The following RASGRP3 variants were observed in gnomAD, a reference collection of about 807,000 sequenced individuals.
RASGRP3 encodes the protein RAS guanyl releasing protein 3.
Under a neutral mutation model 82.7 loss-of-function variants are expected in RASGRP3, and 54 were observed. The ratio of observed to expected loss-of-function variants is 0.65; its 90% CI spans 0.52 to 0.82. The LOEUF (loss-of-function observed/expected upper bound fraction) is 0.82, where lower values mean the gene tolerates loss of function less well. Among genes scored for constraint, RASGRP3 ranks in the 40% least tolerant of loss-of-function variants. The pLI is 0.00. For missense variants in RASGRP3, 861 were observed against 828.9 expected, an observed-to-expected ratio of 1.04 and a Z score of -0.48; for synonymous variants, 309 against 300.5, an observed-to-expected ratio of 1.03 and a Z score of -0.29.
intron 1 of RASGRP3, among the ~76,000 whole-genome samples, chr2:33,478,108 CGA>C (rs1423764177): frequency 6.6e-6 from 1 of 152,146 alleles, no homozygotes; most frequent in East Asian, 1.9e-4. Flanking sequence ...CTTCTGCGAT[CGA>C]GTTTCCCTCA....
chr2:33,477,365 A>G (rs552140190), intron 1 of RASGRP3, among the ~76,000 whole-genome samples: 1 of 152,252 alleles, frequency 6.6e-6, no homozygotes, highest in South Asian at 2.1e-4. Flanking sequence ...AAGCTAATTC[A>G]CCTTCATTAC....
At chr2:33,517,234 C>G (rs1457421320) in intron 4 of RASGRP3, among the ~76,000 whole-genome samples, 1 of 152,212 alleles carries the variant, frequency 6.6e-6, no homozygotes, top group Non-Finnish European at 1.5e-5. Context: ...AGGCTTTTAG[C>G]AGTCTACCAG....
At chr2:33,526,752 G>A (rs1229661513) in intron 9 of RASGRP3, among the ~76,000 whole-genome samples, 4 of 152,112 alleles carry the variant, frequency 2.6e-5, no homozygotes, top group Non-Finnish European at 4.4e-5. Context: ...AATTAACCTC[G>A]AGTAATATCT....
At chr2:33,493,184 C>T (rs1669004597) in intron 1 of RASGRP3, 1 of 152,168 alleles carries the variant, frequency 6.6e-6, no homozygotes. Context: ...TAAGTATCTC[C>T]CCATGGCTAA....
At chr2:33,562,692 G>T (rs752985871) in intron 17 of RASGRP3, 37 bp from the exon 18 acceptor site, 1 of 1,609,136 alleles carries the variant, frequency 6.2e-7, no homozygotes, top group Non-Finnish European at 8.5e-7. Flanking sequence ...TGTTATATGA[G>T]ATCCAGCCAT....
chr2:33,472,243 T>G (rs193170714), upstream of RASGRP3, among the ~76,000 whole-genome samples: 40 of 152,252 alleles, frequency 2.6e-4, no homozygotes, highest in East Asian at 7.5e-3. Flanking sequence ...ATTGGTAAAG[T>G]TTGGATGGAA....
intron 1 of RASGRP3, among the ~76,000 whole-genome samples, chr2:33,480,042 A>AT (rs397868583): frequency 0.12 from 15,634 of 131,810 alleles, 1,293 homozygotes; most frequent in East Asian, 0.28. Context: ...TGAAAGAGGA[A>AT]TTTTTTTTTT....
intron 10 of RASGRP3, among the ~76,000 whole-genome samples, chr2:33,529,081 A>T (rs1672849381): frequency 6.6e-6 from 1 of 152,182 alleles, no homozygotes; most frequent in South Asian, 2.1e-4. Context: ...CCCTTGGGCA[A>T]TTTCTCATAG....
intron 17 of RASGRP3, chr2:33,559,763 C>A: frequency 2.4e-6 from 1 of 409,782 alleles, no homozygotes; most frequent in South Asian, 1.8e-5. Context: ...TCGAATTGTT[C>A]TCATAAACAG....
rs1674315236 is a variant in RASGRP3 at position 33,541,903 on chromosome 2, AT to A, written c.1279-1606del. 1.4e-5 allele frequency among the ~76,000 whole-genome samples: 2 copies of A among 147,178 alleles called. 1 individual carries two copies. Among genetic ancestry groups the A allele is most frequent in the Non-Finnish European group, 3.0e-5 (2 of 65,736 alleles). ...TGAAACATGAAAAATATTTTCATCT[AT>A]TTATCTTTGGTACTTTTATAGCTTT... On this transcript the variant is annotated intron_variant, in intron 12 of 17. Transcript: ENST00000403687.
At chr2:33,475,233 A>G (rs1667286202), upstream of RASGRP3, among the ~76,000 whole-genome samples, 1 of 152,240 alleles carries the variant, frequency 6.6e-6, no homozygotes, top group Admixed American at 6.5e-5. Context: ...GGTGCTTACA[A>G]AATTCTCCCA....
At chr2:33,452,825 C>T (rs892821665) in intron 2 of RASGRP3, among the ~76,000 whole-genome samples, 8 of 152,198 alleles carry the variant, frequency 5.3e-5, no homozygotes, top group African/African-American at 1.9e-4. Flanking sequence ...CAGCCTGATG[C>T]TATAGAGGCC....
chr2:33,437,332 T>C (rs1042207702), intron 1 of RASGRP3, among the ~76,000 whole-genome samples: 2 of 152,242 alleles, frequency 1.3e-5, no homozygotes, highest in Non-Finnish European at 2.9e-5. Flanking sequence ...CCACAAAAAC[T>C]TGGAAAGCTA....
chr2:33,464,705 G>A (rs1408769965), intron 2 of RASGRP3, among the ~76,000 whole-genome samples: 1 of 152,018 alleles, frequency 6.6e-6, no homozygotes, highest in Non-Finnish European at 1.5e-5. Context: ...TCAAACTCTT[G>A]GGCCCCAGCA....
At chr2:33,445,106 G>T (rs567066412) in intron 1 of RASGRP3, among the ~76,000 whole-genome samples, 1 of 152,330 alleles carries the variant, frequency 6.6e-6, no homozygotes, top group African/African-American at 2.4e-5. Flanking sequence ...TAGGAAGTAT[G>T]CTATAATAAT....
intron 1 of RASGRP3, among the ~76,000 whole-genome samples, chr2:33,438,562 CAAA>C (rs57229316): frequency 3.8e-4 from 49 of 128,458 alleles, no homozygotes; most frequent in South Asian, 5.1e-4. Context: ...ACTCCATCGC[CAAA>C]AAAAAAAAAA....
intron 2 of RASGRP3, among the ~76,000 whole-genome samples, chr2:33,454,423 G>A (rs1665941489): frequency 6.6e-6 from 1 of 152,194 alleles, no homozygotes; most frequent in South Asian, 2.1e-4. Context: ...TGTGACCAAG[G>A]TAGAGGGTCT....
intron 1 of RASGRP3, among the ~76,000 whole-genome samples, chr2:33,511,008 A>T (rs1670875338): frequency 1.3e-5 from 2 of 152,340 alleles, no homozygotes; most frequent in East Asian, 1.9e-4. Context: ...ATGTTAATGA[A>T]CGTCCTTTTG....
At chr2:33,478,782 A>G (rs1279993726) in intron 1 of RASGRP3, among the ~76,000 whole-genome samples, 1 of 152,218 alleles carries the variant, frequency 6.6e-6, no homozygotes, top group Non-Finnish European at 1.5e-5. Context: ...GCCAGAAGAG[A>G]GAGCTCAAGG....
Sources: allele counts gnomAD v4.1 joint callset (sites outside exome capture counted in the v4.1 genomes callset), GRCh38; gene constraint gnomAD v4.1.1; transcripts MANE v1.5; gene names NCBI Gene and HGNC (gene_info 2026-07-23, HGNC 2026-07-21).